Variants in SHISA9 observed in about 807,000 individuals in gnomAD.
SHISA9 encodes the protein shisa family member 9, also known as protein shisa-9.
A neutral mutation model predicts 38.0 loss-of-function variants in SHISA9; 13 were observed. The observed-to-expected ratio is 0.34, with a 90% CI of 0.22 to 0.54. The LOEUF is 0.54. Ranked by LOEUF, SHISA9 falls within the 20% of genes least tolerant of loss-of-function variation. The pLI is 0.91. For synonymous variants in SHISA9, 275 were observed against 242.0 expected, an observed-to-expected ratio of 1.14 and a Z score of -1.27; for missense variants, 538 against 575.8, an observed-to-expected ratio of 0.93 and a Z score of 0.67.
At chr16:13,537,369 A>G in the SHISA9 span, among the ~76,000 whole-genome samples, 1 of 151,524 alleles carries the variant, frequency 6.6e-6, no homozygotes, top group Non-Finnish European at 1.5e-5. Context: ...TGGAGGTTGC[A>G]GTGAGCCGAG....
the SHISA9 span, among the ~76,000 whole-genome samples, chr16:13,323,403 G>A: frequency 5.3e-5 from 8 of 152,186 alleles, no homozygotes; most frequent in African/African-American, 1.9e-4. Flanking sequence ...AAGTCCACAA[G>A]TTTGGCGCTT....
the SHISA9 span, among the ~76,000 whole-genome samples, chr16:13,364,107 C>G: frequency 6.6e-6 from 1 of 152,158 alleles, no homozygotes; most frequent in African/African-American, 2.4e-5. Context: ...ATGATCTGTC[C>G]AGCTTGAGAA....
the SHISA9 span, among the ~76,000 whole-genome samples, chr16:13,344,779 C>T: frequency 2.0e-5 from 3 of 152,108 alleles, no homozygotes; most frequent in Non-Finnish European, 4.4e-5. Context: ...ATCTCACAAC[C>T]AGTAAATGAC....
chr16:13,439,343 A>T, the SHISA9 span, among the ~76,000 whole-genome samples: 2 of 152,200 alleles, frequency 1.3e-5, no homozygotes, highest in Non-Finnish European at 2.9e-5. Context: ...ATTTGCTGGA[A>T]GAGTAGATCT....
intron 2 of SHISA9, among the ~76,000 whole-genome samples, chr16:13,095,384 T>A (rs1259932611): frequency 6.6e-6 from 1 of 151,266 alleles, no homozygotes; most frequent in Non-Finnish European, 1.5e-5. Flanking sequence ...GTTGCACATC[T>A]TAACAAAATG....
intron 2 of SHISA9, among the ~76,000 whole-genome samples, chr16:13,000,732 A>T (rs556910150): frequency 1.1e-4 from 16 of 152,248 alleles, no homozygotes; most frequent in African/African-American, 3.9e-4. Flanking sequence ...GGTGCATGGT[A>T]AGCATTCAAG....
chr16:12,928,577 G>A (rs984287190), intron 2 of SHISA9, among the ~76,000 whole-genome samples: 14 of 152,156 alleles, frequency 9.2e-5, no homozygotes, highest in African/African-American at 2.9e-4. Flanking sequence ...AAAAGGGATG[G>A]ACTTCATTGT....
chr16:13,235,269 C>T lies in SHISA9; in HGVS notation c.1135C>T (p.Arg379Trp), dbSNP rs1226938626. ...KGWDPNEQSL[R>W]RQAYSNKGKL... is the part of the protein sequence containing the mutation. ...CTGGGACCCCAACGAGCAGTCCCTC[C>T]GGCGGCAGGCTTACAGCAACAAGGG... The change falls in exon 5 of 5, where the codon CGG (arginine) becomes TGG (tryptophan). Residue 379 changes from arginine to tryptophan, a missense_variant. Physicochemically the swap from Arg to Trp is moderately radical, Grantham distance 101. Transcript: ENST00000558583. 5 of 1,551,674 alleles carry T rather than the reference C, an allele frequency of 3.2e-6. No individual in the cohort carries two copies. Among genetic ancestry groups the T allele is most frequent in the South Asian group, 1.2e-5 (1 of 84,060 alleles).
intron 2 of SHISA9, among the ~76,000 whole-genome samples, chr16:13,103,417 C>G (rs1316233308): frequency 6.6e-6 from 1 of 152,196 alleles, no homozygotes; most frequent in East Asian, 1.9e-4. Flanking sequence ...TTTGAGGTCA[C>G]AGAGTGTCCT....
At chr16:13,535,056 C>G in the SHISA9 span, among the ~76,000 whole-genome samples, 1 of 151,990 alleles carries the variant, frequency 6.6e-6, no homozygotes, top group Non-Finnish European at 1.5e-5. Flanking sequence ...ATCAGCCTGA[C>G]CAACATGGTA....
At chr16:13,020,815 T>G (rs765715264) in intron 2 of SHISA9, among the ~76,000 whole-genome samples, 54 of 152,236 alleles carry the variant, frequency 3.5e-4, no homozygotes, top group Non-Finnish European at 6.6e-4. Flanking sequence ...TGTTTGTAGT[T>G]CTAATTGTCA....
chr16:12,994,600 C>T (rs1414883631), intron 2 of SHISA9, among the ~76,000 whole-genome samples: 1 of 152,084 alleles, frequency 6.6e-6, no homozygotes. Context: ...GTGGCGAGGA[C>T]CTGAATTTGA....
chr16:13,555,035 C>T, the SHISA9 span, among the ~76,000 whole-genome samples: 31 of 152,282 alleles, frequency 2.0e-4, no homozygotes, highest in East Asian at 5.6e-3. Flanking sequence ...TTGAACTGGA[C>T]TTTCTATTAA....
chr16:13,150,049 A>AC (rs1200473703), intron 2 of SHISA9, among the ~76,000 whole-genome samples: 1 of 150,136 alleles, frequency 6.7e-6, no homozygotes, highest in African/African-American at 2.4e-5. Flanking sequence ...AAAAAAAAAA[A>AC]AAAAAACTAG....
intron 2 of SHISA9, among the ~76,000 whole-genome samples, chr16:13,000,593 T>C (rs1169567105): frequency 6.6e-6 from 1 of 152,090 alleles, no homozygotes; most frequent in Admixed American, 6.5e-5. Flanking sequence ...CGATTGCAGG[T>C]GTCAGCCTGT....
the SHISA9 span, chr16:13,562,595 A>C: frequency 6.9e-6 from 1 of 145,500 alleles, no homozygotes; most frequent in East Asian, 2.0e-4. Context: ...ATGCTGCTGC[A>C]CTCCAGCCTG....
At chr16:13,068,873 A>G (rs1383682368) in intron 2 of SHISA9, among the ~76,000 whole-genome samples, 1 of 151,746 alleles carries the variant, frequency 6.6e-6, no homozygotes, top group Non-Finnish European at 1.5e-5. Context: ...CAATGTGTGT[A>G]TGTGTATTCA....
chr16:13,467,817 A>T, the SHISA9 span, among the ~76,000 whole-genome samples: 1,830 of 152,172 alleles, frequency 0.012, 23 homozygotes, highest in South Asian at 0.048. Flanking sequence ...TTTCTTTTCT[A>T]TTCACCTAAC....
At chr16:13,188,735 A>AG (rs1280636354) in intron 2 of SHISA9, among the ~76,000 whole-genome samples, 1 of 151,534 alleles carries the variant, frequency 6.6e-6, no homozygotes, top group Non-Finnish European at 1.5e-5. Context: ...AAAAAAAAAA[A>AG]AAAGGTATGA....
Sources: gnomAD v4.1 joint callset for allele counts (sites outside exome capture counted in the v4.1 genomes callset) on GRCh38, gnomAD v4.1.1 for gene constraint, MANE v1.5 for transcripts, NCBI Gene and HGNC (gene_info 2026-07-23, HGNC 2026-07-21) for gene names.